The following RNF128 variants were observed in gnomAD, a reference collection of about 807,000 sequenced individuals.
The protein encoded by RNF128 is E3 ubiquitin-protein ligase RNF128.
A neutral mutation model predicts 26.2 loss-of-function variants in RNF128; 13 were observed. The ratio of observed to expected loss-of-function variants is 0.50; its 90% confidence interval spans 0.32 to 0.79. RNF128 has a LOEUF of 0.79. RNF128 is among the 30% of genes least tolerant of loss of function. The pLI is 0.03. For missense variants in RNF128, 315 were observed against 349.7 expected (o/e 0.90, Z 0.79); for synonymous variants, 149 against 142.5 (o/e 1.05, Z -0.32).
At chrX:106,707,965 T>TA (rs1328667604) in intron 1 of RNF128, among the ~76,000 whole-genome samples, 11 of 111,828 alleles carry the variant, frequency 9.8e-5, no homozygotes, top group Non-Finnish European at 1.7e-4. Context: ...CATCTCAGTA[T>TA]AGCACAGTGA....
Position 106,795,582 on chromosome X carries a change from G to T in RNF128, c.1156G>T (p.Glu386Ter). The T allele has an allele frequency of 8.4e-7, 1 of 1,184,635 alleles. No individual in the cohort carries two copies. The highest frequency in any genetic ancestry group is 3.0e-5 in the East Asian group (1 of 33,031). The change falls in exon 7 of 7, where the codon GAA becomes TAA. Residue 386 changes from glutamate (E) to a stop codon, truncating the protein, a stop_gained and splice_region_variant. Coordinates refer to ENST00000255499, the MANE Select transcript of RNF128 (RefSeq NM_194463.2). LOFTEE classifies it high-confidence loss of function. ...AAAATTGCTATTTCTTTTTAAAGATGAAAGTCTACAGCTGGTAAACCATGA... is the reference window on the plus strand; with the variant it reads ...AAAATTGCTATTTCTTTTTAAAGATTAAAGTCTACAGCTGGTAAACCATGA... Reference protein sequence around the residue: ...PLEEHVQSTNESLQLVNHEAN... With the variant: ...PLEEHVQSTN
intron 1 of RNF128, among the ~76,000 whole-genome samples, chrX:106,762,317 ATT>A (rs756515596): frequency 4.2e-5 from 4 of 94,893 alleles, no homozygotes; most frequent in Non-Finnish European, 6.4e-5. Flanking sequence ...TCCACTTTTG[ATT>A]TTTTTTTTTT....
At chrX:106,719,020 CT>C (rs1490615914) in intron 1 of RNF128, among the ~76,000 whole-genome samples, 1 of 112,280 alleles carries the variant, frequency 8.9e-6, no homozygotes, top group Non-Finnish European at 1.9e-5. Flanking sequence ...CAAAGGCAGC[CT>C]TTGCCCACAC....
chrX:106,781,315 T>C (rs1930561207), intron 2 of RNF128, among the ~76,000 whole-genome samples: 1 of 112,081 alleles, frequency 8.9e-6, no homozygotes. Context: ...TTGTATAATG[T>C]AGATATGTTC....
chrX:106,746,462 T>C (rs1053481721), intron 1 of RNF128, among the ~76,000 whole-genome samples: 6 of 111,381 alleles, frequency 5.4e-5, no homozygotes, highest in Non-Finnish European at 1.1e-4. Context: ...TTAATAAATA[T>C]TTGTTCAGTG....
rs368005586 is a variant in RNF128, at chrX:106,781,362, A to G, written c.733-3703A>G. Among the ~76,000 whole-genome samples, 241 of 112,166 alleles carry G rather than the reference A, an allele frequency of 2.1e-3. 2 individuals carry two copies. The highest frequency in any genetic ancestry group is 7.4e-3 in the African/African-American group (229 of 30,946). On this transcript the variant is annotated intron_variant, in intron 2 of 6. Transcript: ENST00000255499. ...TTTTTTAAGGAGTAAGGTACAAATT[A>G]CAGTTCACATGGGGCATATTGTCTT...
At chrX:106,781,971 A>G (rs1443673930) in intron 2 of RNF128, among the ~76,000 whole-genome samples, 1 of 112,131 alleles carries the variant, frequency 8.9e-6, no homozygotes, top group Non-Finnish European at 1.9e-5. Context: ...TTGATCCCAC[A>G]CTTCAAATTA....
In RNF128 at chrX:106,739,786, C is replaced by T. The variant is rs181484669; in HGVS notation, c.484+12389C>T. ...GTCATACAGGAGGAAATTTAATATA[C>T]TCAGGTACTAGAATGTTCTTTTTTA... On this transcript the variant is annotated intron_variant, in intron 1 of 6. Transcript: ENST00000255499. 6.3e-5 allele frequency among the ~76,000 whole-genome samples: 7 copies of T among 111,089 alleles called. No homozygotes were observed. In the East Asian group the frequency reaches 1.7e-3, roughly 27 times the overall value.
chrX:106,694,312 GA>G lies in RNF128; in HGVS notation c.316del (p.Ile106PhefsTer13). On this transcript the variant is annotated frameshift_variant, in exon 1 of 7. Transcript: ENST00000324342. LOFTEE classifies it high-confidence loss of function. ...AGAAAGAGGTAATTGTACATTTTCA[GA>G]AAAAATTCAAACAGCGGGCAGAAGA... 3.3e-6 allele frequency: 4 copies of G among 1,210,080 alleles called. No homozygotes were observed. Among genetic ancestry groups the G allele is most frequent in the Non-Finnish European group, 4.5e-6 (4 of 894,555 alleles).
In RNF128 at chrX:106,718,314, CT is replaced by C. The variant is rs201369250; in HGVS notation, c.406+23911del. ...GCTTCAGGGTTTCAATTTCTGCCCT[CT>C]TTTTCCCCCTCTCGAAAATCAAACA... is the stretch of plus-strand genomic sequence containing the variant. On this transcript the variant is annotated intron_variant, in intron 1 of 6. Coordinates refer to the RNF128 transcript ENST00000324342. Among the ~76,000 whole-genome samples, 8 of 111,698 alleles carry C rather than the reference CT, an allele frequency of 7.2e-5. No homozygotes were observed. In the East Asian group the frequency reaches 2.3e-3, roughly 32 times the overall value.
At chrX:106,754,406 T>TTC (rs1298146047) in intron 1 of RNF128, among the ~76,000 whole-genome samples, 5 of 90,795 alleles carry the variant, frequency 5.5e-5, no homozygotes, top group African/African-American at 2.2e-4. Flanking sequence ...AATGTTTTCT[T>TTC]TCTCTTTTTT....
At chrX:106,777,185 A>G (rs752169556) in intron 2 of RNF128, among the ~76,000 whole-genome samples, 1 of 111,949 alleles carries the variant, frequency 8.9e-6, no homozygotes, top group African/African-American at 3.2e-5. Flanking sequence ...TATTTGAGAC[A>G]TTGAACTAAA....
chrX:106,713,929 A>T, intron 1 of RNF128, among the ~76,000 whole-genome samples: 1 of 111,530 alleles, frequency 9.0e-6, no homozygotes, highest in East Asian at 2.8e-4. Flanking sequence ...TAATCCCAGC[A>T]CTTTGGGAGG....
rs370222953 is a variant in RNF128 at position 106,773,715 on chromosome X, T to G, written c.732+555T>G. Among the ~76,000 whole-genome samples, 21 of 111,213 alleles carry G rather than the reference T, an allele frequency of 1.9e-4. 1 individual carries two copies. The East Asian group carries it at 2.8e-3, about 15-fold the overall frequency. On this transcript the variant is annotated intron_variant, in intron 2 of 6. Transcript: ENST00000255499. ...CAAGTGGAGTCAAATATTAATAGTT[T>G]CTACCATATTATAACAGTGTATAAA...
rs1263303748 is a variant in RNF128, at chrX:106,727,165, G to C, written c.252G>C (p.Leu84=). The part of the protein sequence containing the change: ...DSPLEPVAGV[L]VPPDGPGALN... ...CGCTGGAGCCTGTGGCTGGGGTCCT[G>C]GTACCGCCCGACGGGCCCGGGGCGC... The change falls in exon 1 of 7, where the codon CTG becomes CTC. Residue 84 remains leucine (L), a synonymous_variant. Transcript: ENST00000255499. 8.3e-7 allele frequency: 1 copy of C among 1,208,852 alleles called. No homozygotes were observed. Among genetic ancestry groups the C allele is most frequent in the Non-Finnish European group, 1.1e-6 (1 of 894,699 alleles).
chrX:106,766,667 C>T (rs1930252346), intron 1 of RNF128, among the ~76,000 whole-genome samples: 1 of 111,793 alleles, frequency 8.9e-6, no homozygotes, highest in Admixed American at 9.6e-5. Flanking sequence ...TGTAGGTTGC[C>T]TGTTCACTCT....
intron 1 of RNF128, among the ~76,000 whole-genome samples, chrX:106,770,080 T>C (rs1930342768): frequency 8.9e-6 from 1 of 112,057 alleles, no homozygotes; most frequent in Non-Finnish European, 1.9e-5. Context: ...GCCCCGACTC[T>C]CTTCTGATTT....
chrX:106,725,417 C>T (rs1221633569), upstream of RNF128, among the ~76,000 whole-genome samples: 1 of 111,706 alleles, frequency 9.0e-6, no homozygotes, highest in Non-Finnish European at 1.9e-5. Context: ...TTGTAAATAA[C>T]ATTGATTAAG....
intron 1 of RNF128, among the ~76,000 whole-genome samples, chrX:106,702,338 G>C (rs1278845956): frequency 9.0e-6 from 1 of 110,871 alleles, no homozygotes; most frequent in African/African-American, 3.3e-5. Flanking sequence ...CTTAACTCTT[G>C]GCCTCTTCCT....
Sources: allele counts gnomAD v4.1 joint callset (sites outside exome capture counted in the v4.1 genomes callset), GRCh38; gene constraint gnomAD v4.1.1; transcripts MANE v1.5; gene names NCBI Gene and HGNC (gene_info 2026-07-23, HGNC 2026-07-21).